Variants in NBPF11 observed in about 807,000 individuals in gnomAD.
NBPF11 encodes NBPF family member NBPF11.
A neutral mutation model predicts 93.9 loss-of-function variants in NBPF11; 72 were observed. That is an observed-to-expected ratio of 0.77 (90% CI 0.63 to 0.93). The LOEUF (loss-of-function observed/expected upper bound fraction) is 0.93. Ranked by LOEUF, NBPF11 falls within the 40% of genes least tolerant of loss-of-function variation. NBPF11 has a pLI of 0.00. For missense variants in NBPF11, 705 were observed against 802.2 expected (o/e 0.88, Z 1.46); for synonymous variants, 224 against 304.9 (o/e 0.73, Z 2.76).
At chr1:148,104,304 G>A (rs1167520760) in intron 23 of NBPF11, among the ~76,000 whole-genome samples, 1 of 145,370 alleles carries the variant, frequency 6.9e-6, no homozygotes, top group Non-Finnish European at 1.5e-5. Flanking sequence ...TCGATGCAGT[G>A]GCCATGAGAG....
intron 18 of NBPF11, among the ~76,000 whole-genome samples, 170 bp downstream of exon 18, chr1:148,108,312 C>T (rs1440249538): frequency 6.6e-6 from 1 of 151,636 alleles, no homozygotes; most frequent in African/African-American, 2.4e-5. Flanking sequence ...TGACCCATCC[C>T]TTGTCTGGGC....
At chr1:148,132,132 A>ATGTGTGTG (rs1250109681) in intron 4 of NBPF11, among the ~76,000 whole-genome samples, 2 of 142,050 alleles carry the variant, frequency 1.4e-5, no homozygotes, top group African/African-American at 5.3e-5. Flanking sequence ...CAATATATAT[A>ATGTGTGTG]TGTGTGTGTG....
At chr1:148,144,244 C>A (rs1377300451) in intron 1 of NBPF11, among the ~76,000 whole-genome samples, 1 of 148,674 alleles carries the variant, frequency 6.7e-6, no homozygotes, top group Non-Finnish European at 1.5e-5. Context: ...GGCTGTCTCA[C>A]TGAGCTTTCA....
At chr1:148,132,198 A>AAT (rs1322200615) in intron 4 of NBPF11, among the ~76,000 whole-genome samples, 4,476 of 138,682 alleles carry the variant, frequency 0.032, 87 homozygotes, top group Middle Eastern at 0.078. Context: ...CAAAACGGTG[A>AAT]ATATATATAT....
chr1:148,122,798 T>A lies in NBPF11; in HGVS notation c.497A>T (p.Asn166Ile). Residue 166 changes from asparagine (N) to isoleucine (I), a missense_variant, in exon 8 of 24, where the codon AAT (asparagine) becomes ATT (isoleucine). Coordinates refer to ENST00000682118, the MANE Select transcript of NBPF11 (RefSeq NM_001385469.3). ...QHLVQKLSPE[N>I]DEDEDEDVQV... Reference sequence around the variant, plus strand: ...AACATCTTCATCCTCATCTTCGTCATTTTCTATAAATACAAAATGTTCGTT... The same window carrying A: ...AACATCTTCATCCTCATCTTCGTCAATTTCTATAAATACAAAATGTTCGTT... 8 of 1,609,864 alleles carry A rather than the reference T, an allele frequency of 5.0e-6. 1 individual carries two copies. Among genetic ancestry groups the A allele is most frequent in the Non-Finnish European group, 4.2e-6 (5 of 1,177,854 alleles).
In NBPF11 at chr1:148,149,345, G is replaced by T; in HGVS notation, c.-549+2405C>A. ...CTGCTTCGACGCCTTCCCTAACATC[G>T]AGAAGGTGTCCAAGATCACGTCTCC... On this transcript the variant is annotated intron_variant, in intron 1 of 23. Transcript: ENST00000682118. The T allele has an allele frequency of 2.5e-6, 4 of 1,597,052 alleles. No homozygotes were observed. In the South Asian group the frequency reaches 3.3e-5, roughly 13 times the overall value.
intron 1 of NBPF11, among the ~76,000 whole-genome samples, chr1:148,144,131 G>A (rs1467589677): frequency 6.6e-6 from 1 of 151,276 alleles, no homozygotes; most frequent in Non-Finnish European, 1.5e-5. Context: ...ACAAGAATTC[G>A]ATTCTTTCTG....
chr1:148,120,237 C>T, intron 10 of NBPF11, among the ~76,000 whole-genome samples: 1 of 152,114 alleles, frequency 6.6e-6, no homozygotes, highest in Non-Finnish European at 1.5e-5. Flanking sequence ...TTGGAGAAAA[C>T]AGGTCATTCT....
rs1668047536 is a variant in NBPF11 at position 148,122,271 on chromosome 1, T to G, written c.567-5A>C. On this transcript the variant is annotated splice_region_variant and splice_polypyrimidine_tract_variant and intron_variant, in intron 8 of 23. Transcript: ENST00000682118. The stretch of plus-strand genomic sequence containing the variant: ...TCTTCAGCCTTCTGCACCTCCCTGA[T>G]GAGCCAGGTGGGACAGAGATGACAG... The G allele has an allele frequency of 6.2e-7, 1 of 1,609,402 alleles. No individual in the cohort carries two copies.
Position 148,102,641 on chromosome 1 carries a change from T to A in NBPF11, c.*1255A>T, listed in dbSNP as rs1219666003. The A allele has an allele frequency of 6.6e-6, 1 of 150,798 alleles. No homozygotes were observed. The highest frequency in any genetic ancestry group is 1.5e-5 in the Non-Finnish European group (1 of 67,954). 9.3% of individuals were successfully genotyped at this position (150,798 alleles called of 1,614,324 possible). The stretch of plus-strand genomic sequence containing the variant: ...TTTTCAGACAACTTCAGAATGTAGA[T>A]CATTGAGCCAGACAGCTGACCTGTC... On this transcript the variant is annotated 3_prime_UTR_variant, in exon 24 of 24. Transcript: ENST00000682118.
intron 1 of NBPF11, chr1:148,146,305 C>G (rs1366682246): frequency 7.4e-7 from 1 of 1,358,050 alleles, no homozygotes; most frequent in Non-Finnish European, 9.4e-7. Context: ...GCCCGCGACT[C>G]GGAGCACCCC....
intron 4 of NBPF11, among the ~76,000 whole-genome samples, chr1:148,134,906 A>C (rs1671023878): frequency 6.6e-6 from 1 of 152,002 alleles, no homozygotes; most frequent in African/African-American, 2.4e-5. Context: ...GACAGAGCCC[A>C]CAAGCCTCAA....
rs1160754087 is a variant in NBPF11 at position 148,124,981 on chromosome 1, G to A, written c.196C>T (p.Leu66Phe). ...KKYKYEECKDLIKFMLRNERQ... is the reference protein window; with the variant it reads ...KKYKYEECKDFIKFMLRNERQ... ...TCATTCCTCAGCATAAATTTTATGA[G>A]GTCTTTACACTCTTCATACTCTGAG... is the stretch of plus-strand genomic sequence containing the variant. Residue 66 changes from leucine to phenylalanine, a missense_variant, in exon 6 of 24, where the codon CTC becomes TTC. Around this residue, in one of 12 missense-constraint regions of NBPF11, gnomAD observed 128 missense variants for 112.8 expected, o/e 1.14. Transcript: ENST00000682118. The A allele has an allele frequency of 6.4e-6, 10 of 1,551,528 alleles. No individual in the cohort carries two copies. Among genetic ancestry groups the A allele is most frequent in the Admixed American group, 1.7e-5 (1 of 59,122 alleles).
chr1:148,111,567 A>T (rs1665277049), intron 15 of NBPF11, among the ~76,000 whole-genome samples: 1 of 151,424 alleles, frequency 6.6e-6, no homozygotes, highest in African/African-American at 2.4e-5. Flanking sequence ...AAATGACCTG[A>T]TGGAGCTGAA....
chr1:148,150,767 C>T (rs1463608123), intron 1 of NBPF11, among the ~76,000 whole-genome samples: 5 of 150,284 alleles, frequency 3.3e-5, no homozygotes, highest in Admixed American at 3.3e-4. Context: ...GCTCTGTCAC[C>T]CAGGCTGGAG....
rs1488665298 is a variant in NBPF11 at position 148,124,563 on chromosome 1, C to G, written c.278+336G>C. On this transcript the variant is annotated intron_variant, in intron 6 of 23. Coordinates refer to ENST00000682118, the MANE Select transcript of NBPF11 (RefSeq NM_001385469.3). ...AGACGCAGTCAGTCAGGAGGTGATT[C>G]TCACTAAGGGTAAGTGGGGTGGCAA... Among the ~76,000 whole-genome samples the G allele has an allele frequency of 4.4e-3, 670 of 151,628 alleles. 13 individuals are homozygous for G. The highest frequency in any genetic ancestry group is 0.015 in the African/African-American group (619 of 41,086).
intron 1 of NBPF11, chr1:148,146,774 T>A: frequency 6.2e-7 from 1 of 1,613,246 alleles, no homozygotes; most frequent in African/African-American, 1.3e-5. Flanking sequence ...CTGGGCCAGA[T>A]GAGCAGCTTC....
chr1:148,120,843 G>C lies in NBPF11; in HGVS notation c.779-133C>G, dbSNP rs1323815126. The C allele has an allele frequency of 5.4e-5, 41 of 755,090 alleles. 2 individuals are homozygous for C. Among genetic ancestry groups the C allele is most frequent in the African/African-American group, 5.0e-4 (29 of 58,576 alleles). 46.8% of individuals were successfully genotyped at this position (755,090 alleles called of 1,614,324 possible). A position where few individuals can be genotyped will look rare whatever the true frequency, so the allele number is the denominator to read the frequency against. On this transcript the variant is annotated intron_variant, in intron 9 of 23. Transcript: ENST00000682118. ...ATGTTGTTTCCCTGGTTTCACTCTTGTCATCTCCAGTCTTGATCTCCTTTA... is the reference window on the plus strand; with the variant it reads ...ATGTTGTTTCCCTGGTTTCACTCTTCTCATCTCCAGTCTTGATCTCCTTTA...
At chr1:148,132,049 A>G (rs1224276330) in intron 4 of NBPF11, among the ~76,000 whole-genome samples, 2 of 140,856 alleles carry the variant, frequency 1.4e-5, no homozygotes, top group Admixed American at 1.4e-4. Context: ...CCATTCATGT[A>G]TCTTCTTTTC....
Sources: gnomAD v4.1 joint callset for allele counts (sites outside exome capture counted in the v4.1 genomes callset) on GRCh38, gnomAD v4.1.1 for gene constraint, gnomAD v4.1.1 regional missense constraint, MANE v1.5 for transcripts, NCBI Gene and HGNC (gene_info 2026-07-23, HGNC 2026-07-21) for gene names.